Variants in ADAMTS18 observed in about 807,000 individuals in gnomAD.
ADAMTS18 encodes the protein A disintegrin and metalloproteinase with thrombospondin motifs 18.
ADAMTS18 carries 157 observed loss-of-function variants against 165.9 expected under a neutral mutation model. The observed-to-expected ratio is 0.95, with a 90% confidence interval of 0.83 to 1.08. The LOEUF is 1.08. Ranked by LOEUF, ADAMTS18 falls within the 50% of genes least tolerant of loss-of-function variation. ADAMTS18 has a pLI of 0.00. For missense variants in ADAMTS18, 2,040 were observed against 1,534.0 expected, an observed-to-expected ratio of 1.33 and a Z score of -5.51; for synonymous variants, 782 against 578.2, an observed-to-expected ratio of 1.35 and a Z score of -5.06.
chr16:77,434,672 C>G lies in ADAMTS18; in HGVS notation c.24G>C (p.Ala8=), dbSNP rs1051108368. 1 of 1,478,944 alleles carries G rather than the reference C, an allele frequency of 6.8e-7. No individual in the cohort carries two copies. Among genetic ancestry groups the G allele is most frequent in the Non-Finnish European group, 8.9e-7 (1 of 1,121,622 alleles). The allele number at this position is 1,478,944 out of a possible 1,614,324, so 91.6% of individuals were successfully genotyped here. ...CCGAACCCGCAGCCGGGAAGGCACACGCGAGCAGGAGGGCGCACTCCATGG... is the reference window on the plus strand; with the variant it reads ...CCGAACCCGCAGCCGGGAAGGCACAGGCGAGCAGGAGGGCGCACTCCATGG... MECALLL[A]CAFPAAGSGP... Residue 8 remains alanine (A), a synonymous_variant, in exon 1 of 23, where the codon GCG becomes GCC. Coordinates refer to ENST00000282849, the MANE Select transcript of ADAMTS18 (RefSeq NM_199355.4).
intron 16 of ADAMTS18, among the ~76,000 whole-genome samples, chr16:77,315,360 C>T (rs965317537): frequency 6.6e-6 from 1 of 152,146 alleles, no homozygotes; most frequent in Non-Finnish European, 1.5e-5. Flanking sequence ...ATTTGCATAG[C>T]TCTTGCGTAT....
rs1273208279 is a variant in ADAMTS18, at chr16:77,353,670, C to A, written c.1614+63G>T. ...CTTGGCAAACCAAATGTTTACACTTCTGTTAGGGACACAGACACATTGCAG... is the reference window on the plus strand; with the variant it reads ...CTTGGCAAACCAAATGTTTACACTTATGTTAGGGACACAGACACATTGCAG... On this transcript the variant is annotated intron_variant, in intron 10 of 22. Transcript: ENST00000282849. 4 of 1,611,490 alleles carry A rather than the reference C, an allele frequency of 2.5e-6. No individual in the cohort carries two copies. The East Asian group carries it at 6.7e-5, about 27-fold the overall frequency.
intron 11 of ADAMTS18, among the ~76,000 whole-genome samples, chr16:77,338,930 G>T (rs138936597): frequency 0.012 from 1,819 of 149,114 alleles, 32 homozygotes; most frequent in African/African-American, 0.044. Flanking sequence ...CTCCAGCCTG[G>T]GCGACAGAGC....
At chr16:77,345,514 G>A (rs543521832) in intron 10 of ADAMTS18, among the ~76,000 whole-genome samples, 27 of 152,172 alleles carry the variant, frequency 1.8e-4, no homozygotes, top group Admixed American at 5.2e-4. Context: ...CAAGCCACCC[G>A]ACATGGAGCT....
intron 10 of ADAMTS18, among the ~76,000 whole-genome samples, chr16:77,345,890 C>G (rs978964724): frequency 2.0e-5 from 3 of 152,112 alleles, no homozygotes; most frequent in African/African-American, 7.2e-5. Context: ...CAATTCATCA[C>G]GAGAAAAATC....
intron 10 of ADAMTS18, among the ~76,000 whole-genome samples, chr16:77,343,046 C>T (rs2056422346): frequency 1.3e-5 from 2 of 151,506 alleles, no homozygotes; most frequent in South Asian, 2.1e-4. Flanking sequence ...CAAAACCCTG[C>T]TAATGCACTG....
rs375862418 is a variant in ADAMTS18 at position 77,421,650 on chromosome 16, T to C, written c.495+9645A>G. Among the ~76,000 whole-genome samples the C allele has an allele frequency of 4.1e-4, 63 of 152,304 alleles. No individual in the cohort carries two copies. In the South Asian group the frequency reaches 0.012, roughly 29 times the overall value. On this transcript the variant is annotated intron_variant, in intron 3 of 22. Transcript: ENST00000282849. ...GCATGTTATACAAGCCAGGTATTAA[T>C]GATGGTGATACTGGGTGGCTAATAT...
rs4038556 is a variant in ADAMTS18, at chr16:77,282,925, T to TTTTTTTTTTTTTTTTTTC, written c.*1030_*1031insGAAAAAAAAAAAAAAAAA. On this transcript the variant is annotated 3_prime_UTR_variant, in exon 23 of 23. Coordinates refer to ENST00000282849, the MANE Select transcript of ADAMTS18 (RefSeq NM_199355.4). The stretch of plus-strand genomic sequence containing the variant: ...TTCTCTCTTTTTTTTTTTTTTTTTT[T>TTTTTTTTTTTTTTTTTTC]TGCTGTTAGCTCAATCCTAGGGCAA... 6.4e-5 allele frequency: 8 copies of TTTTTTTTTTTTTTTTTTC among 125,472 alleles called. No homozygotes were observed. Among genetic ancestry groups the TTTTTTTTTTTTTTTTTTC allele is most frequent in the Non-Finnish European group, 1.2e-4 (7 of 56,646 alleles). 7.8% of individuals were successfully genotyped at this position (125,472 alleles called of 1,614,324 possible). A position where few individuals can be genotyped will look rare whatever the true frequency, so the allele number is the denominator to read the frequency against.
chr16:77,432,740 A>G (rs1015438376), intron 2 of ADAMTS18, among the ~76,000 whole-genome samples: 1 of 151,504 alleles, frequency 6.6e-6, no homozygotes, highest in Non-Finnish European at 1.5e-5. Context: ...TCTTTTCCCT[A>G]AACAGTCAAC....
chr16:77,377,406 T>C (rs1265185000), intron 3 of ADAMTS18, among the ~76,000 whole-genome samples: 1 of 152,220 alleles, frequency 6.6e-6, no homozygotes, highest in Non-Finnish European at 1.5e-5. Context: ...ATGTCTTAAG[T>C]GATTTGTATC....
At chr16:77,397,780 G>A (rs1474852010) in intron 3 of ADAMTS18, among the ~76,000 whole-genome samples, 3 of 152,200 alleles carry the variant, frequency 2.0e-5, no homozygotes, top group Non-Finnish European at 2.9e-5. Context: ...CCAGATGTTG[G>A]CTTGTCTGGA....
intron 12 of ADAMTS18, among the ~76,000 whole-genome samples, chr16:77,333,750 C>T (rs114307242): frequency 0.011 from 1,589 of 149,942 alleles, 28 homozygotes; most frequent in African/African-American, 0.037. Flanking sequence ...CATAATTGAA[C>T]AGTGTGCCAT....
intron 16 of ADAMTS18, among the ~76,000 whole-genome samples, chr16:77,310,417 A>G (rs2055758959): frequency 6.6e-6 from 1 of 152,158 alleles, no homozygotes; most frequent in Non-Finnish European, 1.5e-5. Context: ...CATTTCTGAA[A>G]TGAGGAAACT....
chr16:77,353,237 A>G (rs1340573827), intron 10 of ADAMTS18, among the ~76,000 whole-genome samples: 2 of 152,180 alleles, frequency 1.3e-5, no homozygotes, highest in African/African-American at 4.8e-5. Context: ...CTTTTTTATA[A>G]TTCTTTGAAG....
chr16:77,321,259 G>T, intron 14 of ADAMTS18, 57 bp from the exon 15 acceptor site: 1 of 1,605,776 alleles, frequency 6.2e-7, no homozygotes, highest in Non-Finnish European at 8.5e-7. Context: ...CAGAGGCTGG[G>T]AATAATTAAG....
At chr16:77,295,608 G>T (rs766076510) in intron 18 of ADAMTS18, among the ~76,000 whole-genome samples, 1 of 152,208 alleles carries the variant, frequency 6.6e-6, no homozygotes, top group Admixed American at 6.5e-5. Flanking sequence ...TCATGGAACA[G>T]TCATCAATGA....
chr16:77,431,402 C>A lies in ADAMTS18; in HGVS notation c.388G>T (p.Asp130Tyr). 1 of 1,614,182 alleles carries A rather than the reference C, an allele frequency of 6.2e-7. No individual in the cohort carries two copies. Residue 130 changes from aspartate (D) to tyrosine (Y), a missense_variant, in exon 3 of 23, where the codon GAT becomes TAT. Physicochemically the swap from Asp to Tyr is radical, Grantham distance 160. Coordinates refer to ENST00000282849, the MANE Select transcript of ADAMTS18 (RefSeq NM_199355.4). The part of the protein sequence containing the change: ...SHFIVQVLGK[D>Y]GASETQKPEV... ...GGTTTCTGAGTCTCTGAAGCACCAT[C>A]TTTTCCAAGTACCTGGACAATAAAG...
At chr16:77,418,316 C>T in intron 3 of ADAMTS18, among the ~76,000 whole-genome samples, 1 of 152,056 alleles carries the variant, frequency 6.6e-6, no homozygotes, top group East Asian at 1.9e-4. Flanking sequence ...CATATAAGTG[C>T]ACTGTCGTAA....
At chr16:77,383,313 A>G (rs922329511) in intron 3 of ADAMTS18, among the ~76,000 whole-genome samples, 1 of 151,824 alleles carries the variant, frequency 6.6e-6, no homozygotes, top group African/African-American at 2.4e-5. Flanking sequence ...ATTTCAAGAC[A>G]CTTTGCAGCC....
Sources: gnomAD v4.1 joint callset for allele counts (sites outside exome capture counted in the v4.1 genomes callset) on GRCh38, gnomAD v4.1.1 for gene constraint, MANE v1.5 for transcripts, NCBI Gene and HGNC (gene_info 2026-07-23, HGNC 2026-07-21) for gene names.